MAJIN: variants seen among roughly 807,000 people sequenced by gnomAD.
MAJIN encodes the protein membrane anchored junction protein.
MAJIN carries 27 observed loss-of-function variants against 30.2 expected under a neutral mutation model. That is an observed-to-expected ratio of 0.89 (90% CI 0.66 to 1.23). MAJIN has a LOEUF of 1.23. MAJIN is among the 50% of genes most tolerant of loss of function. The pLI is 0.00. For synonymous variants in MAJIN, 78 were observed against 91.6 expected (o/e 0.85, Z 0.85); for missense variants, 253 against 260.3 (o/e 0.97, Z 0.19).
At chr11:64,963,824 G>A (rs1258934423) in intron 1 of MAJIN, among the ~76,000 whole-genome samples, 2 of 152,090 alleles carry the variant, frequency 1.3e-5, no homozygotes, top group African/African-American at 4.8e-5. Context: ...GGGCAACAGA[G>A]CAAGACCCCA....
chr11:64,945,018 T>G (rs1433791804), intron 8 of MAJIN, among the ~76,000 whole-genome samples: 1 of 152,188 alleles, frequency 6.6e-6, no homozygotes, highest in Admixed American at 6.5e-5. Context: ...AGAAGTTTTC[T>G]CTTACCAGTT....
Position 64,938,570 on chromosome 11 carries a change from A to ATATC in MAJIN, c.*4_*5insGATA. On this transcript the variant is annotated 3_prime_UTR_variant, in exon 11 of 11. Coordinates refer to ENST00000301896, the MANE Select transcript of MAJIN (RefSeq NM_001037225.3). ...TGAAGAAATATCGAAACGGGAAGAG[A>ATATC]GAGCTGCAAGAATGAGAACAGAGTA... 6.5e-7 allele frequency: 1 copy of ATATC among 1,535,804 alleles called. No individual in the cohort carries two copies. The highest frequency in any genetic ancestry group is 8.7e-7 in the Non-Finnish European group (1 of 1,146,688).
chr11:64,943,157 A>G (rs1945403367), intron 8 of MAJIN, among the ~76,000 whole-genome samples: 1 of 152,242 alleles, frequency 6.6e-6, no homozygotes, highest in Non-Finnish European at 1.5e-5. Context: ...CCGTATGTTC[A>G]GGACCAGATC....
intron 8 of MAJIN, among the ~76,000 whole-genome samples, chr11:64,941,597 C>A (rs539676044): frequency 6.6e-6 from 1 of 152,258 alleles, no homozygotes; most frequent in Non-Finnish European, 1.5e-5. Context: ...GCAGAGTGAG[C>A]CAAGGTCGCG....
At chr11:64,942,196 C>A (rs995835497) in intron 8 of MAJIN, among the ~76,000 whole-genome samples, 4 of 152,170 alleles carry the variant, frequency 2.6e-5, no homozygotes, top group Non-Finnish European at 5.9e-5. Context: ...TGATGGAGCT[C>A]CTCAAGCTGT....
chr11:64,969,945 G>A (rs1313053133), intron 1 of MAJIN, among the ~76,000 whole-genome samples: 2 of 152,156 alleles, frequency 1.3e-5, no homozygotes, highest in Non-Finnish European at 2.9e-5. Flanking sequence ...AAGATGTTGA[G>A]TCTGTATCTG....
At chr11:64,945,214 C>T (rs1321347444) in intron 8 of MAJIN, among the ~76,000 whole-genome samples, 1 of 151,928 alleles carries the variant, frequency 6.6e-6, no homozygotes, top group Non-Finnish European at 1.5e-5. Flanking sequence ...AAAAATTAGC[C>T]AGGCGTGGTA....
chr11:64,945,298 C>T (rs1380586023), intron 8 of MAJIN, among the ~76,000 whole-genome samples: 1 of 151,984 alleles, frequency 6.6e-6, no homozygotes, highest in Non-Finnish European at 1.5e-5. Flanking sequence ...GCAGAGCTTG[C>T]AGTGAGCCGA....
intron 7 of MAJIN, 70 bp from the exon 8 acceptor site, chr11:64,947,535 A>C: frequency 2.0e-6 from 3 of 1,471,972 alleles, no homozygotes; most frequent in Middle Eastern, 1.7e-4. Context: ...AGGCACAGTG[A>C]AGAAAACTCC....
At chr11:64,957,783 A>G (rs1590702364) in intron 3 of MAJIN, among the ~76,000 whole-genome samples, 1 of 148,582 alleles carries the variant, frequency 6.7e-6, no homozygotes, top group Non-Finnish European at 1.5e-5. Flanking sequence ...TGCAACCTCC[A>G]CCTCCCGGGT....
chr11:64,971,768 G>C (rs940347498), intron 1 of MAJIN, 109 bp downstream of exon 1: 1 of 152,466 alleles, frequency 6.6e-6, no homozygotes, highest in Non-Finnish European at 1.5e-5. Flanking sequence ...GGGCAGGGGG[G>C]ACTGCACTTC....
intron 8 of MAJIN, 110 bp downstream of exon 8, chr11:64,947,264 G>T (rs1409541569): frequency 1.2e-6 from 1 of 836,312 alleles, no homozygotes; most frequent in Non-Finnish European, 1.8e-6. Flanking sequence ...AGATACTGAT[G>T]AAGTCCTGCA....
chr11:64,961,536 C>T (rs1386272209), intron 1 of MAJIN, among the ~76,000 whole-genome samples: 5 of 121,314 alleles, frequency 4.1e-5, no homozygotes, highest in Non-Finnish European at 8.0e-5. Flanking sequence ...AGTGCAGTGG[C>T]GTGATCTCTG....
chr11:64,966,505 G>A (rs1472563318), intron 1 of MAJIN, among the ~76,000 whole-genome samples: 2 of 151,600 alleles, frequency 1.3e-5, no homozygotes, highest in Non-Finnish European at 1.5e-5. Flanking sequence ...ACTGCAATCC[G>A]GCCTGGGCAA....
chr11:64,947,659 G>T, intron 7 of MAJIN, 129 bp downstream of exon 7: 1 of 1,116,322 alleles, frequency 9.0e-7, no homozygotes, highest in Non-Finnish European at 1.3e-6. Flanking sequence ...ATGGTCTTAT[G>T]TTTACAATTC....
intron 6 of MAJIN, among the ~76,000 whole-genome samples, chr11:64,948,613 A>G (rs1945490408): frequency 3.7e-5 from 1 of 26,718 alleles, no homozygotes; most frequent in Non-Finnish European, 5.4e-5. Flanking sequence ...ATATATATAT[A>G]TATATATATA....
In MAJIN at chr11:64,940,595, T is replaced by C. The variant is rs1288760353; in HGVS notation, c.525A>G (p.Ile175Met). 1 of 1,613,956 alleles carries C rather than the reference T, an allele frequency of 6.2e-7. No individual in the cohort carries two copies. Among genetic ancestry groups the C allele is most frequent in the Non-Finnish European group, 8.5e-7 (1 of 1,179,950 alleles). Residue 175 changes from isoleucine to methionine, a missense_variant, in exon 9 of 11, where the codon ATA becomes ATG. Physicochemically the swap from Ile to Met is conservative, Grantham distance 10. Transcript: ENST00000301896. The stretch of plus-strand genomic sequence containing the variant: ...CTACCTTGTTTCTGGACATCAGTGA[T>C]ATCAGAGGCCAGAGTCTCCTGCAAT... ...NKDCRRLWPLISLMSRNKILS... is the reference protein window; with the variant it reads ...NKDCRRLWPLMSLMSRNKILS...
At chr11:64,952,891 G>A (rs1945576125) in intron 4 of MAJIN, among the ~76,000 whole-genome samples, 1 of 151,916 alleles carries the variant, frequency 6.6e-6, no homozygotes, top group African/African-American at 2.4e-5. Flanking sequence ...TTTTAGTAGA[G>A]ACGGGGTTTC....
intron 3 of MAJIN, among the ~76,000 whole-genome samples, chr11:64,956,018 A>G (rs1442036839): frequency 3.9e-5 from 6 of 152,074 alleles, no homozygotes; most frequent in African/African-American, 1.4e-4. Context: ...AATACAAAAA[A>G]GGCCCGGTGC....
Sources: allele counts gnomAD v4.1 joint callset (sites outside exome capture counted in the v4.1 genomes callset), GRCh38; gene constraint gnomAD v4.1.1; transcripts MANE v1.5; gene names NCBI Gene and HGNC (gene_info 2026-07-23, HGNC 2026-07-21).